BLK: variants seen among roughly 807,000 people sequenced by gnomAD.
BLK encodes tyrosine-protein kinase Blk.
In BLK, 64 loss-of-function variants were observed where a neutral mutation model predicts 61.8. The ratio of observed to expected loss-of-function variants is 1.03; its 90% CI spans 0.85 to 1.27. The LOEUF (loss-of-function observed/expected upper bound fraction) is 1.27, where lower values mean the gene tolerates loss of function less well. BLK is among the 50% of genes most tolerant of loss of function. The pLI, the probability that BLK is intolerant of heterozygous loss-of-function variation, is 0.00. For missense variants in BLK, 853 were observed against 660.5 expected, an observed-to-expected ratio of 1.29 and a Z score of -3.19; for synonymous variants, 351 against 272.0, an observed-to-expected ratio of 1.29 and a Z score of -2.86.
At chr8:11,520,496 A>G (rs969274853) in intron 1 of BLK, among the ~76,000 whole-genome samples, 2 of 150,240 alleles carry the variant, frequency 1.3e-5, no homozygotes, top group Non-Finnish European at 3.0e-5. Context: ...AAAAAAAAAA[A>G]AAAAAAGGAA....
intron 1 of BLK, among the ~76,000 whole-genome samples, chr8:11,541,738 T>A (rs985297981): frequency 9.2e-5 from 14 of 152,160 alleles, no homozygotes; most frequent in African/African-American, 3.4e-4. Context: ...CCTCAAGGGA[T>A]CTGCCCGCCT....
intron 6 of BLK, chr8:11,553,195 GT>G: frequency 5.5e-6 from 1 of 182,196 alleles, no homozygotes; most frequent in South Asian, 1.1e-4. Flanking sequence ...AAGCAGGGGA[GT>G]GAGTTCTACC....
intron 1 of BLK, among the ~76,000 whole-genome samples, chr8:11,496,433 G>T (rs1345850465): frequency 6.6e-6 from 1 of 152,108 alleles, no homozygotes. Context: ...TGAAGAGATG[G>T]GGTCTCGCTT....
chr8:11,503,696 T>C (rs909970906), intron 1 of BLK, among the ~76,000 whole-genome samples: 2 of 152,214 alleles, frequency 1.3e-5, no homozygotes, highest in African/African-American at 4.8e-5. Flanking sequence ...ACACCTGCTC[T>C]CTTGGTCACC....
intron 1 of BLK, among the ~76,000 whole-genome samples, chr8:11,510,752 C>T (rs1798968153): frequency 6.6e-6 from 1 of 151,562 alleles, no homozygotes; most frequent in African/African-American, 2.4e-5. Context: ...GTACTCCAGC[C>T]AGGATGACAG....
chr8:11,517,028 G>A (rs774289721), intron 1 of BLK, among the ~76,000 whole-genome samples: 1 of 152,228 alleles, frequency 6.6e-6, no homozygotes, highest in Non-Finnish European at 1.5e-5. Flanking sequence ...CTCTGAATGA[G>A]AGGGTGACAC....
intron 10 of BLK, chr8:11,560,857 G>C (rs1801474317): frequency 2.2e-6 from 1 of 460,592 alleles, no homozygotes; most frequent in Non-Finnish European, 4.4e-6. Flanking sequence ...GCTTGCTAGA[G>C]GTCAGCGACT....
intron 1 of BLK, among the ~76,000 whole-genome samples, chr8:11,542,699 C>T (rs999895199): frequency 6.6e-6 from 1 of 152,198 alleles, no homozygotes; most frequent in Non-Finnish European, 1.5e-5. Flanking sequence ...GATGCCTGTG[C>T]TATCAATCTG....
Position 11,559,427 on chromosome 8 carries a change from A to T in BLK, c.1029+1389A>T, listed in dbSNP as rs1417652153. Among the ~76,000 whole-genome samples, 3 of 151,948 alleles carry T rather than the reference A, an allele frequency of 2.0e-5. No homozygotes were observed. In the East Asian group the frequency reaches 5.8e-4, roughly 29 times the overall value. On this transcript the variant is annotated intron_variant, in intron 10 of 12. Transcript: ENST00000259089. Reference sequence around the variant, plus strand: ...CACACAGACACACAGACTCACACACACAAACTCACACAGACACACAAATAC... The same window carrying T: ...CACACAGACACACAGACTCACACACTCAAACTCACACAGACACACAAATAC...
At chr8:11,559,688 G>A (rs190985608) in intron 10 of BLK, 14 of 453,340 alleles carry the variant, frequency 3.1e-5, no homozygotes, top group African/African-American at 8.0e-5. Context: ...ACAATCCCTC[G>A]GGCCCCACTT....
At chr8:11,508,090 G>C (rs543002478) in intron 1 of BLK, among the ~76,000 whole-genome samples, 1 of 152,200 alleles carries the variant, frequency 6.6e-6, no homozygotes, top group African/African-American at 2.4e-5. Context: ...TCAGGAACCT[G>C]CCCACTGGCC....
rs767484327 is a variant in BLK at position 11,498,249 on chromosome 8, G to A, written c.-2+3658G>A. On this transcript the variant is annotated intron_variant, in intron 1 of 12. Transcript: ENST00000259089. ...TCGTTCAAGTGCAGGAAAAGTTTGT[G>A]TATGTGTGAAACGCACAATGCCATG... is the stretch of plus-strand genomic sequence containing the variant. Among the ~76,000 whole-genome samples, 3 of 152,206 alleles carry A rather than the reference G, an allele frequency of 2.0e-5. 1 individual carries two copies. Among genetic ancestry groups the A allele is most frequent in the Non-Finnish European group, 4.4e-5 (3 of 68,046 alleles).
intron 1 of BLK, among the ~76,000 whole-genome samples, chr8:11,497,455 A>G (rs533222634): frequency 6.6e-6 from 1 of 152,038 alleles, no homozygotes; most frequent in Non-Finnish European, 1.5e-5. Context: ...GCCCAAGCCC[A>G]TTTGTGTGTC....
chr8:11,550,129 T>G, intron 5 of BLK, 30 bp from the exon 6 acceptor site: 8 of 1,590,036 alleles, frequency 5.0e-6, no homozygotes, highest in African/African-American at 1.3e-5. Flanking sequence ...AGGGTCGCTC[T>G]GAGTTTCACC....
At chr8:11,520,750 G>A (rs988055565) in intron 1 of BLK, among the ~76,000 whole-genome samples, 12 of 151,990 alleles carry the variant, frequency 7.9e-5, no homozygotes, top group South Asian at 2.1e-4. Context: ...TACACATTTC[G>A]AAAAAAGGCA....
chr8:11,511,636 G>A (rs1007100972), intron 1 of BLK, among the ~76,000 whole-genome samples: 1 of 152,184 alleles, frequency 6.6e-6, no homozygotes, highest in African/African-American at 2.4e-5. Flanking sequence ...GGGAATCTCT[G>A]CTAGGTTTCC....
chr8:11,564,579 A>C lies in BLK; in HGVS notation c.*471A>C. On this transcript the variant is annotated 3_prime_UTR_variant, in exon 13 of 13. Coordinates refer to ENST00000259089, the MANE Select transcript of BLK (RefSeq NM_001715.3). ...CTCCAGCACTGCGGGGCTTTTCTGCAATAAAGTCACGAGCGTTCGAGCTGT... is the reference window on the plus strand; with the variant it reads ...CTCCAGCACTGCGGGGCTTTTCTGCCATAAAGTCACGAGCGTTCGAGCTGT... 1 of 427,622 alleles carries C rather than the reference A, an allele frequency of 2.3e-6. No homozygotes were observed. The highest frequency in any genetic ancestry group is 4.7e-6 in the Non-Finnish European group (1 of 211,686). 26.5% of individuals were successfully genotyped at this position (427,622 alleles called of 1,614,324 possible).
At chr8:11,508,183 T>C (rs2618461) in intron 1 of BLK, among the ~76,000 whole-genome samples, 7,005 of 152,296 alleles carry the variant, frequency 0.046, 390 homozygotes, top group African/African-American at 0.13. Context: ...TCCATCTGTC[T>C]TCATTAACCA....
chr8:11,555,572 C>T lies in BLK; in HGVS notation c.772+88C>T, dbSNP rs1367997660. On this transcript the variant is annotated intron_variant, in intron 8 of 12. Coordinates refer to ENST00000259089, the MANE Select transcript of BLK (RefSeq NM_001715.3). ...CAGGTTCAGCATTTTCATAGCGTGT[C>T]ATCCCTCCCCCAGAAGTCTTGAGAG... The T allele has an allele frequency of 7.0e-6, 11 of 1,577,310 alleles. No individual in the cohort carries two copies. In the East Asian group the frequency reaches 9.0e-5, roughly 13 times the overall value.
Sources: allele counts gnomAD v4.1 joint callset (sites outside exome capture counted in the v4.1 genomes callset), GRCh38; gene constraint gnomAD v4.1.1; transcripts MANE v1.5; gene names NCBI Gene and HGNC (gene_info 2026-07-23, HGNC 2026-07-21).